Variants in ATP8A1 observed in about 807,000 individuals in gnomAD.
ATP8A1 encodes the protein phospholipid-transporting ATPase IA.
ATP8A1 carries 90 observed loss-of-function variants against 177.7 expected under a neutral mutation model. That is an observed-to-expected ratio of 0.51 (90% CI 0.43 to 0.60). The LOEUF is 0.60. Ranked by LOEUF, ATP8A1 falls within the 20% of genes least tolerant of loss-of-function variation. ATP8A1 has a pLI of 0.00. For synonymous variants in ATP8A1, 493 were observed against 485.9 expected (o/e 1.01, Z -0.19); for missense variants, 1,072 against 1,392.8 (o/e 0.77, Z 3.67).
At chr4:42,592,504 G>A (rs1360851444) in intron 6 of ATP8A1, among the ~76,000 whole-genome samples, 2 of 152,050 alleles carry the variant, frequency 1.3e-5, no homozygotes, top group Non-Finnish European at 2.9e-5. Context: ...GTATTTAACG[G>A]TTCAGCCTAT....
At chr4:42,630,128 A>G (rs1738572686) in intron 1 of ATP8A1, among the ~76,000 whole-genome samples, 1 of 152,210 alleles carries the variant, frequency 6.6e-6, no homozygotes, top group Non-Finnish European at 1.5e-5. Context: ...ATCAGCTATA[A>G]TAACCACATA....
At chr4:42,436,861 A>C (rs1217268345) in intron 33 of ATP8A1, among the ~76,000 whole-genome samples, 1 of 152,252 alleles carries the variant, frequency 6.6e-6, no homozygotes, top group Non-Finnish European at 1.5e-5. Context: ...GAAATTCCTC[A>C]TATGAAAAGT....
intron 33 of ATP8A1, among the ~76,000 whole-genome samples, chr4:42,428,638 G>A (rs960352896): frequency 3.9e-5 from 6 of 152,178 alleles, no homozygotes; most frequent in Admixed American, 1.3e-4. Context: ...AGGCAAATTC[G>A]ATGTTAGCAG....
chr4:42,490,311 G>A (rs748748984), intron 24 of ATP8A1, among the ~76,000 whole-genome samples: 11 of 152,122 alleles, frequency 7.2e-5, no homozygotes, highest in African/African-American at 2.7e-4. Flanking sequence ...GTTCTGTCTC[G>A]TTAACACAGA....
At chr4:42,471,204 T>G (rs1169985803) in intron 25 of ATP8A1, among the ~76,000 whole-genome samples, 1 of 152,198 alleles carries the variant, frequency 6.6e-6, no homozygotes. Flanking sequence ...TGGTACATAA[T>G]GAAACATTCA....
chr4:42,440,335 GTTTTT>G (rs35291607), intron 33 of ATP8A1, among the ~76,000 whole-genome samples: 3 of 135,472 alleles, frequency 2.2e-5, no homozygotes, highest in African/African-American at 8.1e-5. Context: ...AGCTCCTCCA[GTTTTT>G]TTTTTTTTTT....
At chr4:42,494,656 G>A (rs1723085393) in intron 24 of ATP8A1, among the ~76,000 whole-genome samples, 1 of 152,062 alleles carries the variant, frequency 6.6e-6, no homozygotes, top group Non-Finnish European at 1.5e-5. Context: ...CATGGTAGGA[G>A]GACAAATATT....
At chr4:42,418,256 C>A (rs539574294) in intron 35 of ATP8A1, among the ~76,000 whole-genome samples, 83 of 152,206 alleles carry the variant, frequency 5.5e-4, no homozygotes, top group African/African-American at 1.6e-3. Flanking sequence ...GAGGACTGAC[C>A]TGAAGATCCT....
chr4:42,649,902 C>T (rs1156896149), intron 1 of ATP8A1, among the ~76,000 whole-genome samples: 1 of 152,166 alleles, frequency 6.6e-6, no homozygotes, highest in Non-Finnish European at 1.5e-5. Context: ...AGCAATATAT[C>T]AGTGGACAAA....
At chr4:42,540,171 T>G (rs1012236858) in intron 20 of ATP8A1, among the ~76,000 whole-genome samples, 1 of 151,784 alleles carries the variant, frequency 6.6e-6, no homozygotes, top group Non-Finnish European at 1.5e-5. Context: ...GGTCAACAAG[T>G]ATATGAAAAA....
chr4:42,536,801 A>G (rs1727871748), intron 20 of ATP8A1, among the ~76,000 whole-genome samples: 1 of 152,228 alleles, frequency 6.6e-6, no homozygotes, highest in African/African-American at 2.4e-5. Context: ...CTGCAAGTCA[A>G]TAAATGTGAC....
chr4:42,634,959 G>A (rs985034615), intron 1 of ATP8A1, among the ~76,000 whole-genome samples: 16 of 152,136 alleles, frequency 1.1e-4, no homozygotes, highest in Non-Finnish European at 1.9e-4. Context: ...CATTCAAACA[G>A]TTCCCGTCAC....
chr4:42,648,285 G>T (rs534922141), intron 1 of ATP8A1, among the ~76,000 whole-genome samples: 1 of 148,204 alleles, frequency 6.7e-6, no homozygotes, highest in South Asian at 2.2e-4. Context: ...ACAGCTAAGA[G>T]AATATTTTTT....
At chr4:42,462,665 T>A (rs573779894) in intron 27 of ATP8A1, among the ~76,000 whole-genome samples, 6 of 152,024 alleles carry the variant, frequency 3.9e-5, no homozygotes, top group Non-Finnish European at 1.5e-5. Flanking sequence ...CCACACAGAG[T>A]TCCCCCTGGG....
chr4:42,574,754 C>T (rs960788151), intron 13 of ATP8A1, 47 bp from the exon 14 acceptor site: 7 of 1,355,492 alleles, frequency 5.2e-6, no homozygotes, highest in Admixed American at 2.0e-5. Context: ...AGTCTTTATG[C>T]CACTCTTTTA....
chr4:42,603,702 C>T (rs1735522504), intron 5 of ATP8A1, among the ~76,000 whole-genome samples: 1 of 152,100 alleles, frequency 6.6e-6, no homozygotes, highest in Non-Finnish European at 1.5e-5. Context: ...TTTTAAAAAT[C>T]TTCTCCACCA....
chr4:42,592,311 A>G (rs1196587670), intron 6 of ATP8A1, among the ~76,000 whole-genome samples: 1 of 152,198 alleles, frequency 6.6e-6, no homozygotes, highest in African/African-American at 2.4e-5. Context: ...TTTAATGCTT[A>G]TAAAACAAAT....
rs1560421206 is a variant in ATP8A1 at position 42,524,852 on chromosome 4, A to T, written c.1723-5T>A. On this transcript the variant is annotated splice_region_variant and splice_polypyrimidine_tract_variant and intron_variant, in intron 20 of 36. Coordinates refer to ENST00000381668, the MANE Select transcript of ATP8A1 (RefSeq NM_006095.2). ...TCGATCATAAATTACAGTGTCCTGGAAAACAAACAGAGGGTAAAATGATTT... is the reference window on the plus strand; with the variant it reads ...TCGATCATAAATTACAGTGTCCTGGTAAACAAACAGAGGGTAAAATGATTT... 6.3e-7 allele frequency: 1 copy of T among 1,590,658 alleles called. No individual in the cohort carries two copies. Among genetic ancestry groups the T allele is most frequent in the Admixed American group, 1.7e-5 (1 of 58,836 alleles).
intron 21 of ATP8A1, among the ~76,000 whole-genome samples, 198 bp from the exon 22 acceptor site, chr4:42,522,497 C>G (rs889344125): frequency 1.3e-5 from 2 of 152,184 alleles, no homozygotes; most frequent in South Asian, 2.1e-4. Flanking sequence ...AATTGGTACC[C>G]TGCTTCTAAT....
Sources: gnomAD v4.1 joint callset for allele counts (sites outside exome capture counted in the v4.1 genomes callset) on GRCh38, gnomAD v4.1.1 for gene constraint, MANE v1.5 for transcripts, NCBI Gene and HGNC (gene_info 2026-07-23, HGNC 2026-07-21) for gene names.